The following PACS2 variants were observed in gnomAD, a reference collection of about 807,000 sequenced individuals.
The protein encoded by PACS2 is PACS1-like protein.
A neutral mutation model predicts 113.0 loss-of-function variants in PACS2; 36 were observed. The observed-to-expected ratio is 0.32, with a 90% CI of 0.24 to 0.42. The LOEUF is 0.42. Ranked by LOEUF, PACS2 falls within the 10% of genes least tolerant of loss-of-function variation. The probability of loss-of-function intolerance (pLI) is 1.00; values close to 1 mark genes in which losing one functional copy is unlikely to be tolerated. For missense variants in PACS2, 1,015 were observed against 1,239.5 expected, an observed-to-expected ratio of 0.82 and a Z score of 2.72; for synonymous variants, 589 against 536.1, an observed-to-expected ratio of 1.10 and a Z score of -1.36.
At chr14:105,313,001 G>T (rs1431492057), upstream of PACS2, among the ~76,000 whole-genome samples, 1 of 152,188 alleles carries the variant, frequency 6.6e-6, no homozygotes, top group Non-Finnish European at 1.5e-5. Flanking sequence ...GGATGGGACA[G>T]AACTGTCACG....
chr14:105,336,912 C>T (rs2059545692), intron 1 of PACS2, among the ~76,000 whole-genome samples: 1 of 150,792 alleles, frequency 6.6e-6, no homozygotes, highest in Non-Finnish European at 1.5e-5. Context: ...TGACGCAGGG[C>T]CTCCAGGGGA....
chr14:105,317,673 C>T lies in PACS2; in HGVS notation c.119+2636C>T, dbSNP rs752301185. ...AGCAGTTTCTTTAGAGATAGTCATC[C>T]TTTCTCGGCTGTGTTGAGGATGTCC... On this transcript the variant is annotated intron_variant, in intron 1 of 24. Coordinates refer to ENST00000447393, the MANE Select transcript of PACS2 (RefSeq NM_001100913.3). This position sits in a 1 kb window ranked among gnomAD's most constrained non-coding sequence, Gnocchi z 4.2. Among the ~76,000 whole-genome samples the T allele has an allele frequency of 4.5e-4, 69 of 152,008 alleles. No homozygotes were observed. The highest frequency in any genetic ancestry group is 9.0e-4 in the Non-Finnish European group (61 of 68,024).
chr14:105,374,469 CACAG>C (rs1232447313), intron 8 of PACS2: 4 of 152,184 alleles, frequency 2.6e-5, no homozygotes, highest in African/African-American at 7.2e-5. Context: ...AAAATAAAGA[CACAG>C]ACAGTCTAGT....
chr14:105,329,135 G>C lies in PACS2; in HGVS notation c.119+14098G>C, dbSNP rs892930562. ...GGAGGCCAGCATGGCCCTGGTGCTG[G>C]CTACATCCTCTGGGGCTCTTCCTCA... On this transcript the variant is annotated intron_variant, in intron 1 of 24. Coordinates refer to ENST00000447393, the MANE Select transcript of PACS2 (RefSeq NM_001100913.3). The surrounding 1 kb of genome is among the most constrained non-coding windows in gnomAD (Gnocchi z 6.4). 6.6e-6 allele frequency among the ~76,000 whole-genome samples: 1 copy of C among 152,198 alleles called. No individual in the cohort carries two copies. The highest frequency in any genetic ancestry group is 1.5e-5 in the Non-Finnish European group (1 of 68,036).
intron 1 of PACS2, among the ~76,000 whole-genome samples, chr14:105,301,532 T>TG (rs1009910759): frequency 3.3e-5 from 5 of 152,058 alleles, no homozygotes; most frequent in South Asian, 2.1e-4. Context: ...GCAGCTGCGC[T>TG]GGGGGGCCTG....
Position 105,393,275 on chromosome 14 carries a change from T to C in PACS2, c.2536T>C (p.Cys846Arg), listed in dbSNP as rs782356019. Residue 846 changes from cysteine (C) to arginine (R), a missense_variant, in exon 24 of 25, where the codon TGC (cysteine) becomes CGC (arginine). Cys to Arg is a radical substitution (Grantham distance 180, BLOSUM62 -3). Coordinates refer to ENST00000447393, the MANE Select transcript of PACS2 (RefSeq NM_001100913.3). Reference protein sequence around the residue: ...KDKDVESKSQCIEGISRLICT... With the variant: ...KDKDVESKSQRIEGISRLICT... ...CAAGGACGTGGAGTCTAAGAGCCAG[T>C]GCATTGAGGGCATCAGCCGGCTCAT... The C allele has an allele frequency of 1.2e-6, 2 of 1,612,856 alleles. No individual in the cohort carries two copies. Among genetic ancestry groups the C allele is most frequent in the Non-Finnish European group, 1.7e-6 (2 of 1,179,972 alleles).
In PACS2 at chr14:105,394,806, C is replaced by T. The variant is rs2081488662; in HGVS notation, c.*134C>T. ...AAACAGTCTTAAGTATGAATGTGCT[C>T]ACAACGTGGAAACTAACGGGGGAGC... On this transcript the variant is annotated 3_prime_UTR_variant, in exon 25 of 25. Transcript: ENST00000447393. 4.4e-6 allele frequency: 3 copies of T among 686,122 alleles called. No homozygotes were observed. The highest frequency in any genetic ancestry group is 4.4e-5 in the Admixed American group (2 of 45,502). 42.5% of individuals were successfully genotyped at this position (686,122 alleles called of 1,614,324 possible).
chr14:105,354,626 C>G lies in PACS2; in HGVS notation c.298-426C>G, dbSNP rs377331316. Among the ~76,000 whole-genome samples, 1 of 152,180 alleles carries G rather than the reference C, an allele frequency of 6.6e-6. No individual in the cohort carries two copies. The highest frequency in any genetic ancestry group is 2.4e-5 in the African/African-American group (1 of 41,458). Reference sequence around the variant, plus strand: ...GGCGAGTTGGGTGAACAGGGGGCCTCGGAGGGAGAGCCCTCCCCGCCCTGT... The same window carrying G: ...GGCGAGTTGGGTGAACAGGGGGCCTGGGAGGGAGAGCCCTCCCCGCCCTGT... On this transcript the variant is annotated intron_variant, in intron 3 of 24. Coordinates refer to ENST00000447393, the MANE Select transcript of PACS2 (RefSeq NM_001100913.3). The surrounding 1 kb of genome is among the most constrained non-coding windows in gnomAD (Gnocchi z 4.2).
intron 8 of PACS2, among the ~76,000 whole-genome samples, chr14:105,373,840 C>G (rs1231425317): frequency 1.3e-5 from 2 of 151,308 alleles, no homozygotes; most frequent in Non-Finnish European, 2.9e-5. Flanking sequence ...CAAGAATTAA[C>G]TAAATGGATC....
chr14:105,333,971 G>C (rs1363433347), intron 1 of PACS2, among the ~76,000 whole-genome samples: 3 of 152,248 alleles, frequency 2.0e-5, no homozygotes, highest in Non-Finnish European at 4.4e-5. Context: ...TGCTGGGCAG[G>C]GCCCATTCCT....
chr14:105,347,513 C>G (rs2059986645), intron 1 of PACS2, among the ~76,000 whole-genome samples: 1 of 152,160 alleles, frequency 6.6e-6, no homozygotes, highest in Admixed American at 6.5e-5. Flanking sequence ...AAGCACCAGC[C>G]CAGGAGGTGG....
intron 19 of PACS2, chr14:105,388,516 C>T (rs1387430501): frequency 1.3e-5 from 2 of 152,552 alleles, no homozygotes; most frequent in Non-Finnish European, 2.9e-5. Context: ...TCCGCTGGGC[C>T]TGTTTCCTGC....
chr14:105,382,609 G>A (rs374022470), intron 14 of PACS2, 28 bp downstream of exon 14: 86 of 1,387,682 alleles, frequency 6.2e-5, no homozygotes, highest in Non-Finnish European at 8.7e-5. Flanking sequence ...TGGAGTGGAG[G>A]GTCAGGGTGT....
At chr14:105,343,883 G>A (rs1473503081) in intron 1 of PACS2, among the ~76,000 whole-genome samples, 1 of 151,636 alleles carries the variant, frequency 6.6e-6, no homozygotes, top group African/African-American at 2.4e-5. Flanking sequence ...ATATTGTTGA[G>A]TTCTGAGAGT....
rs1228330772 is a variant in PACS2, at chr14:105,317,379, G to A, written c.119+2342G>A. Among the ~76,000 whole-genome samples the A allele has an allele frequency of 1.3e-5, 2 of 152,166 alleles. No individual in the cohort carries two copies. The highest frequency in any genetic ancestry group is 2.4e-5 in the African/African-American group (1 of 41,452). ...AGCTACCAGGATTTATGGTGGGGGT[G>A]TGCACGCACTCAGCGTTACTGCTGG... On this transcript the variant is annotated intron_variant, in intron 1 of 24. Transcript: ENST00000447393. This position sits in a 1 kb window ranked among gnomAD's most constrained non-coding sequence, Gnocchi z 4.2.
At chr14:105,392,027 C>T (rs1191233364) in intron 22 of PACS2, 5 of 527,154 alleles carry the variant, frequency 9.5e-6, no homozygotes, top group Non-Finnish European at 1.7e-5. Flanking sequence ...TGTCTCTCAG[C>T]TCTGTACACA....
rs1555417467 is a variant in PACS2, at chr14:105,397,935, G to A, written c.*3263G>A. The A allele has an allele frequency of 6.6e-6, 1 of 152,234 alleles. No individual in the cohort carries two copies. Among genetic ancestry groups the A allele is most frequent in the Admixed American group, 6.5e-5 (1 of 15,278 alleles). The allele number at this position is 152,234 out of a possible 1,614,324, so 9.4% of individuals were successfully genotyped here. A position where few individuals can be genotyped will look rare whatever the true frequency, so the allele number is the denominator to read the frequency against. On this transcript the variant is annotated 3_prime_UTR_variant, in exon 25 of 25. Transcript: ENST00000447393. ...GGCACCTCTGGAATCTGACCCTGTG[G>A]GCCAAAGAAGCACCACTGTAGTTTC...
In PACS2 at chr14:105,394,740, T is replaced by G. The variant is rs2081487220; in HGVS notation, c.*68T>G. ...GGGCCCAGCTGCATTTCTGTTAACATTTCAGTTTACTACAGAGACAGACGC... is the reference window on the plus strand; with the variant it reads ...GGGCCCAGCTGCATTTCTGTTAACAGTTCAGTTTACTACAGAGACAGACGC... On this transcript the variant is annotated 3_prime_UTR_variant, in exon 25 of 25. Transcript: ENST00000447393. 2.0e-6 allele frequency: 2 copies of G among 991,394 alleles called. No homozygotes were observed. Among genetic ancestry groups the G allele is most frequent in the Non-Finnish European group, 3.3e-6 (2 of 613,038 alleles). 61.4% of individuals were successfully genotyped at this position (991,394 alleles called of 1,614,324 possible).
intron 19 of PACS2, among the ~76,000 whole-genome samples, chr14:105,386,909 G>A (rs1043930751): frequency 6.6e-5 from 10 of 152,188 alleles, no homozygotes; most frequent in Non-Finnish European, 1.3e-4. Flanking sequence ...GCTGTGGCAC[G>A]AGGAGCCTGC....
Sources: allele counts gnomAD v4.1 joint callset (sites outside exome capture counted in the v4.1 genomes callset), GRCh38; gene constraint gnomAD v4.1.1; non-coding constraint Gnocchi (gnomAD v3.1); transcripts MANE v1.5; gene names NCBI Gene and HGNC (gene_info 2026-07-23, HGNC 2026-07-21).